Variants in CLIP1 observed in about 807,000 individuals in gnomAD.
The protein encoded by CLIP1 is CAP-Gly domain-containing linker protein 1.
CLIP1 carries 66 observed loss-of-function variants against 161.6 expected under a neutral mutation model. The ratio of observed to expected loss-of-function variants is 0.41; its 90% CI spans 0.33 to 0.50. The LOEUF is 0.50. Among genes scored for constraint, CLIP1 ranks in the 20% least tolerant of loss-of-function variants. CLIP1 has a pLI of 0.27. For missense variants in CLIP1, 1,376 were observed against 1,702.0 expected (o/e 0.81, Z 3.37); for synonymous variants, 598 against 626.2 (o/e 0.96, Z 0.67).
At chr12:122,379,964 G>GAAAAAAAAAAAAAAAAAAAA (rs1954935956) in intron 2 of CLIP1, among the ~76,000 whole-genome samples, 1 of 67,058 alleles carries the variant, frequency 1.5e-5, no homozygotes, top group African/African-American at 4.3e-5. Context: ...AAAAAAAAAT[G>GAAAAAAAAAAAAAAAAAAAA]CAAGGCACAG....
intron 1 of CLIP1, among the ~76,000 whole-genome samples, chr12:122,417,385 G>A (rs1367962523): frequency 6.6e-6 from 1 of 152,074 alleles, no homozygotes; most frequent in Non-Finnish European, 1.5e-5. Context: ...AGGACGGCTT[G>A]AGTCCAGGAG....
chr12:122,339,025 T>C (rs1024554737), intron 11 of CLIP1, among the ~76,000 whole-genome samples: 1 of 152,122 alleles, frequency 6.6e-6, no homozygotes, highest in Non-Finnish European at 1.5e-5. Flanking sequence ...CACAAAAAAG[T>C]TCAGAACATT....
At chr12:122,381,105 A>G (rs955128995) in intron 1 of CLIP1, among the ~76,000 whole-genome samples, 2 of 152,186 alleles carry the variant, frequency 1.3e-5, no homozygotes, top group African/African-American at 4.8e-5. Context: ...TTTGTTTTAT[A>G]TATCTAATGT....
At chr12:122,398,855 T>C (rs1956036477) in intron 1 of CLIP1, among the ~76,000 whole-genome samples, 1 of 150,440 alleles carries the variant, frequency 6.6e-6, no homozygotes. Context: ...AAAATCTTTT[T>C]TTAAAAAGTT....
At chr12:122,273,499 C>T (rs1322294181) in intron 25 of CLIP1, among the ~76,000 whole-genome samples, 1 of 152,168 alleles carries the variant, frequency 6.6e-6, no homozygotes, top group East Asian at 1.9e-4. Flanking sequence ...GATCTGCCCA[C>T]CTCGGCCTCC....
chr12:122,386,008 G>A (rs79458277), intron 1 of CLIP1, among the ~76,000 whole-genome samples: 14,771 of 152,178 alleles, frequency 0.097, 1,236 homozygotes, highest in East Asian at 0.45. Context: ...GGGCTCGGCC[G>A]GGAGCACTGG....
At chr12:122,335,079 G>A (rs1952155768) in intron 12 of CLIP1, among the ~76,000 whole-genome samples, 1 of 152,144 alleles carries the variant, frequency 6.6e-6, no homozygotes, top group South Asian at 2.1e-4. Flanking sequence ...TGTGTGAAAT[G>A]GTGAACAAAG....
intron 20 of CLIP1, among the ~76,000 whole-genome samples, chr12:122,305,862 G>A (rs1950849869): frequency 1.3e-5 from 2 of 151,902 alleles, no homozygotes; most frequent in South Asian, 4.2e-4. Context: ...AAGCTCAGGA[G>A]TTCGAGATTA....
chr12:122,370,758 T>TTCTGAAAGGCA (rs1954403897), intron 3 of CLIP1, among the ~76,000 whole-genome samples: 1 of 152,076 alleles, frequency 6.6e-6, no homozygotes, highest in Non-Finnish European at 1.5e-5. Context: ...TAATCTCCGC[T>TTCTGAAAGGCA]TCTGAAAGGC....
intron 1 of CLIP1, among the ~76,000 whole-genome samples, chr12:122,393,762 A>G (rs941609377): frequency 7.2e-5 from 11 of 151,852 alleles, no homozygotes; most frequent in African/African-American, 2.7e-4. Flanking sequence ...AACTACAAAA[A>G]TTAGCCGGGT....
chr12:122,382,429 G>A (rs1249755003), intron 1 of CLIP1, among the ~76,000 whole-genome samples: 1 of 151,888 alleles, frequency 6.6e-6, no homozygotes, highest in East Asian at 1.9e-4. Flanking sequence ...TTGGAAGGCT[G>A]AGGCACGAGA....
At position 122,294,185 on chromosome 12, in the gene CLIP1, C is replaced by T. The variant is rs563063008; in HGVS notation, c.3595-5644G>A. Among the ~76,000 whole-genome samples, 176 of 150,780 alleles carry T rather than the reference C, an allele frequency of 1.2e-3. 1 individual carries two copies. The highest frequency in any genetic ancestry group is 4.1e-3 in the African/African-American group (168 of 41,106). ...CTACTAAAAATACAAAAAAATTAGC[C>T]GGGTGTGGTGGTGGGTGCCTGTAGT... is the stretch of plus-strand genomic sequence containing the variant. On this transcript the variant is annotated intron_variant, in intron 20 of 25. Transcript: ENST00000620786.
chr12:122,352,668 G>A lies in CLIP1; in HGVS notation c.1368+58C>T, dbSNP rs114294631. 4.2e-3 allele frequency: 5,906 copies of A among 1,401,676 alleles called. 139 individuals are homozygous for A. In the African/African-American group the frequency reaches 0.058, roughly 14 times the overall value. 86.8% of individuals were successfully genotyped at this position (1,401,676 alleles called of 1,614,324 possible). On this transcript the variant is annotated intron_variant, in intron 8 of 25. Coordinates refer to ENST00000620786, the MANE Select transcript of CLIP1 (RefSeq NM_001247997.2). ...CTCATTTCAATTGGTGCATTATTTC[G>A]CCCGTGTTCTGAATACTGATACCCA...
chr12:122,321,243 T>C (rs943952534), intron 17 of CLIP1, among the ~76,000 whole-genome samples: 2 of 142,144 alleles, frequency 1.4e-5, no homozygotes, highest in African/African-American at 5.1e-5. Context: ...AATTTATTGC[T>C]TTTTTTTTTT....
intron 20 of CLIP1, among the ~76,000 whole-genome samples, chr12:122,293,501 G>A (rs1471020795): frequency 2.0e-5 from 3 of 150,328 alleles, no homozygotes; most frequent in East Asian, 2.0e-4. Flanking sequence ...TTTTTGAGAC[G>A]GAGTTTCGCT....
chr12:122,316,889 TATTTC>T (rs1182725956), intron 18 of CLIP1, 34 bp from the exon 19 acceptor site: 3 of 1,251,384 alleles, frequency 2.4e-6, no homozygotes, highest in South Asian at 1.5e-5. Flanking sequence ...TTGATGAAAT[TATTTC>T]ATTTTCCAGT....
intron 21 of CLIP1, 101 bp downstream of exon 21, chr12:122,288,388 A>G: frequency 2.0e-6 from 2 of 1,019,502 alleles, no homozygotes; most frequent in Non-Finnish European, 2.8e-6. Flanking sequence ...CATTTTCTGA[A>G]TCTAAGAAGG....
chr12:122,422,135 T>C (rs1213726983), intron 1 of CLIP1, among the ~76,000 whole-genome samples: 4 of 151,494 alleles, frequency 2.6e-5, no homozygotes, highest in East Asian at 3.9e-4. Context: ...CCTCCCGGGG[T>C]CCGGCCGATC....
intron 15 of CLIP1, among the ~76,000 whole-genome samples, chr12:122,330,597 G>GTTTTTTTTTTTTTGTTTGTTTT: frequency 9.9e-6 from 1 of 101,404 alleles, no homozygotes; most frequent in Non-Finnish European, 1.8e-5. Context: ...GTATAATGCA[G>GTTTTTTTTTTTTTGTTTGTTTT]TTTTTTTTTT....
Sources: allele counts gnomAD v4.1 joint callset (sites outside exome capture counted in the v4.1 genomes callset), GRCh38; gene constraint gnomAD v4.1.1; transcripts MANE v1.5; gene names NCBI Gene and HGNC (gene_info 2026-07-23, HGNC 2026-07-21).